The following DERA variants were observed in gnomAD, a reference collection of about 807,000 sequenced individuals.
DERA encodes 2-deoxy-D-ribose 5-phosphate aldolase.
Under a neutral mutation model 41.1 loss-of-function variants are expected in DERA, and 15 were observed. The ratio of observed to expected loss-of-function variants is 0.37; its 90% confidence interval spans 0.24 to 0.56. DERA has a LOEUF of 0.56. DERA is among the 20% of genes least tolerant of loss of function. The pLI is 0.81. For missense variants in DERA, 396 were observed against 403.4 expected (o/e 0.98, Z 0.16); for synonymous variants, 139 against 137.4 (o/e 1.01, Z -0.08).
chr12:16,030,402 T>G (rs35778845), intron 6 of DERA, among the ~76,000 whole-genome samples: 7 of 152,224 alleles, frequency 4.6e-5, no homozygotes, highest in Non-Finnish European at 1.0e-4. Flanking sequence ...CCTCACCTTC[T>G]TACATCTATG....
Position 15,920,783 on chromosome 12 carries a change from C to T in DERA, c.31+9369C>T, listed in dbSNP as rs7135597. 9.3e-3 allele frequency among the ~76,000 whole-genome samples: 1,421 copies of T among 152,262 alleles called. 14 individuals are homozygous for T. The highest frequency in any genetic ancestry group is 0.017 in the Middle Eastern group (5 of 294). On this transcript the variant is annotated intron_variant, in intron 1 of 8. Transcript: ENST00000428559. ...CCCAGGAGGCGAGGTTGCAGTGAGCCGAGATTGCGCCACTACACTCCATCC... is the reference window on the plus strand; with the variant it reads ...CCCAGGAGGCGAGGTTGCAGTGAGCTGAGATTGCGCCACTACACTCCATCC...
intron 1 of DERA, among the ~76,000 whole-genome samples, chr12:15,912,564 T>C (rs1948172352): frequency 6.6e-6 from 1 of 152,188 alleles, no homozygotes; most frequent in Non-Finnish European, 1.5e-5. Flanking sequence ...ATCTGTAAAA[T>C]GGTTATTTTA....
At chr12:15,951,585 C>T (rs1948497926) in intron 1 of DERA, 1 of 152,116 alleles carries the variant, frequency 6.6e-6, no homozygotes, top group African/African-American at 2.4e-5. Context: ...ATTCAAGAGT[C>T]AAGTATTATT....
At position 15,943,116 on chromosome 12, in the gene DERA, T is replaced by C. The variant is rs1948420396; in HGVS notation, c.32-13820T>C. Among the ~76,000 whole-genome samples the C allele has an allele frequency of 6.6e-6, 1 of 152,236 alleles. No individual in the cohort carries two copies. Among genetic ancestry groups the C allele is most frequent in the Admixed American group, 6.5e-5 (1 of 15,286 alleles). On this transcript the variant is annotated intron_variant, in intron 1 of 8. Coordinates refer to ENST00000428559, the MANE Select transcript of DERA (RefSeq NM_015954.4). The surrounding 1 kb of genome is among the most constrained non-coding windows in gnomAD (Gnocchi z 4.5). ...CTGTAAACTCTTCCACACACTTACC[T>C]GAGGCTGTTTATGGGTAGTGAGCAG...
intron 1 of DERA, among the ~76,000 whole-genome samples, chr12:15,932,517 G>T (rs1472495076): frequency 6.6e-6 from 1 of 151,994 alleles, no homozygotes; most frequent in Non-Finnish European, 1.5e-5. Flanking sequence ...GGGTGTGGTG[G>T]TGCATGCCTG....
chr12:15,918,569 A>G lies in DERA; in HGVS notation c.31+7155A>G, dbSNP rs919981226. Among the ~76,000 whole-genome samples the G allele has an allele frequency of 6.6e-6, 1 of 152,132 alleles. No individual in the cohort carries two copies. Among genetic ancestry groups the G allele is most frequent in the Admixed American group, 6.5e-5 (1 of 15,276 alleles). On this transcript the variant is annotated intron_variant, in intron 1 of 8. Transcript: ENST00000428559. The surrounding 1 kb of genome is among the most constrained non-coding windows in gnomAD (Gnocchi z 4.3). Reference sequence around the variant, plus strand: ...GAATAATTTGTTTTTTTTAATTTTTAAAATGTAAATATATAAGAATATTTT... The same window carrying G: ...GAATAATTTGTTTTTTTTAATTTTTGAAATGTAAATATATAAGAATATTTT...
intron 1 of DERA, among the ~76,000 whole-genome samples, chr12:15,937,073 G>C (rs1167243331): frequency 6.6e-6 from 1 of 152,042 alleles, no homozygotes; most frequent in Non-Finnish European, 1.5e-5. Flanking sequence ...CCTGGGCTCA[G>C]CCTCCTGTAT....
rs1948819251 is a variant in DERA at position 15,993,913 on chromosome 12, T to G, written c.637+11477T>G. ...ATGCATATCCTTTTAAAGAAAAGGT[T>G]GAGTATATGACAGACATTTAAACAT... On this transcript the variant is annotated intron_variant, in intron 6 of 8. Transcript: ENST00000428559. This position sits in a 1 kb window ranked among gnomAD's most constrained non-coding sequence, Gnocchi z 4.4. Among the ~76,000 whole-genome samples the G allele has an allele frequency of 6.6e-6, 1 of 152,226 alleles. No homozygotes were observed. Among genetic ancestry groups the G allele is most frequent in the African/African-American group, 2.4e-5 (1 of 41,456 alleles).
chr12:15,936,341 A>C lies in DERA; in HGVS notation c.32-20595A>C, dbSNP rs973871272. Among the ~76,000 whole-genome samples the C allele has an allele frequency of 1.8e-4, 27 of 152,244 alleles. No individual in the cohort carries two copies. Among genetic ancestry groups the C allele is most frequent in the African/African-American group, 6.5e-4 (27 of 41,472 alleles). On this transcript the variant is annotated intron_variant, in intron 1 of 8. Coordinates refer to ENST00000428559, the MANE Select transcript of DERA (RefSeq NM_015954.4). This position sits in a 1 kb window ranked among gnomAD's most constrained non-coding sequence, Gnocchi z 4.6. ...CATTCAGAAAAGTAGGACTAGTATA[A>C]AGAACACTCATATATCTGTCATGAC...
At chr12:16,007,224 C>T (rs550104115) in intron 6 of DERA, among the ~76,000 whole-genome samples, 131 of 141,624 alleles carry the variant, frequency 9.2e-4, no homozygotes, top group African/African-American at 3.4e-3. Flanking sequence ...CACCCTGTTG[C>T]GCAGGCTGAA....
Position 15,940,729 on chromosome 12 carries a change from G to T in DERA, c.32-16207G>T, listed in dbSNP as rs1312317737. 1.3e-5 allele frequency among the ~76,000 whole-genome samples: 2 copies of T among 152,156 alleles called. No homozygotes were observed. The highest frequency in any genetic ancestry group is 1.3e-4 in the Admixed American group (2 of 15,270). On this transcript the variant is annotated intron_variant, in intron 1 of 8. Transcript: ENST00000428559. The surrounding 1 kb of genome is among the most constrained non-coding windows in gnomAD (Gnocchi z 5.1). ...TTTAGAATAGTCATTTATTTAAATGGAAGTCATGCTTCAGAGTTTTCTGGT... is the reference window on the plus strand; with the variant it reads ...TTTAGAATAGTCATTTATTTAAATGTAAGTCATGCTTCAGAGTTTTCTGGT...
intron 1 of DERA, among the ~76,000 whole-genome samples, chr12:15,937,619 T>C (rs1948378379): frequency 6.6e-6 from 1 of 152,238 alleles, no homozygotes. Context: ...TAATGTAGTT[T>C]GCTTTAGTTT....
At chr12:15,969,983 T>C (rs1948649399) in intron 5 of DERA, among the ~76,000 whole-genome samples, 1 of 152,208 alleles carries the variant, frequency 6.6e-6, no homozygotes, top group South Asian at 2.1e-4. Flanking sequence ...CTACAATTCT[T>C]CAAAACTTCA....
intron 1 of DERA, among the ~76,000 whole-genome samples, chr12:15,933,079 C>G (rs1948340984): frequency 6.6e-6 from 1 of 152,216 alleles, no homozygotes; most frequent in South Asian, 2.1e-4. Context: ...TTGACAGACA[C>G]TGAGGTTGAT....
chr12:15,920,851 C>T (rs1948238367), intron 1 of DERA, among the ~76,000 whole-genome samples: 1 of 152,154 alleles, frequency 6.6e-6, no homozygotes, highest in African/African-American at 2.4e-5. Flanking sequence ...AAAATACCCC[C>T]CCCAAAAATA....
In DERA at chr12:15,915,699, C is replaced by T. The variant is rs959800932; in HGVS notation, c.31+4285C>T. ...TGTGTGCAGACACTGTGCTTAGGTG[C>T]TGGGTATAATGATAGTGTCAACACA... On this transcript the variant is annotated intron_variant, in intron 1 of 8. Transcript: ENST00000428559. This position sits in a 1 kb window ranked among gnomAD's most constrained non-coding sequence, Gnocchi z 4.8. Among the ~76,000 whole-genome samples, 2 of 152,164 alleles carry T rather than the reference C, an allele frequency of 1.3e-5. No individual in the cohort carries two copies. The highest frequency in any genetic ancestry group is 6.5e-5 in the Admixed American group (1 of 15,270).
intron 1 of DERA, among the ~76,000 whole-genome samples, chr12:15,912,016 ATTTCT>A (rs1019119944): frequency 1.4e-5 from 2 of 146,270 alleles, no homozygotes; most frequent in Non-Finnish European, 3.0e-5. Context: ...CTTAGTTCAG[ATTTCT>A]TTTTTTTTTT....
rs1315001096 is a variant in DERA at position 15,928,965 on chromosome 12, G to T, written c.31+17551G>T. 6.6e-6 allele frequency among the ~76,000 whole-genome samples: 1 copy of T among 152,094 alleles called. No individual in the cohort carries two copies. The highest frequency in any genetic ancestry group is 1.5e-5 in the Non-Finnish European group (1 of 68,026). Reference sequence around the variant, plus strand: ...AGCTGTTAAATCCTGTCCTGCAGACGGGAGCAGCGTTCTCTGTGAAAACTG... The same window carrying T: ...AGCTGTTAAATCCTGTCCTGCAGACTGGAGCAGCGTTCTCTGTGAAAACTG... On this transcript the variant is annotated intron_variant, in intron 1 of 8. Transcript: ENST00000428559. This position sits in a 1 kb window ranked among gnomAD's most constrained non-coding sequence, Gnocchi z 4.6.
At position 15,956,917 on chromosome 12, in the gene DERA, G is replaced by A. The variant is rs770657016; in HGVS notation, c.32-19G>A. The A allele has an allele frequency of 1.3e-6, 2 of 1,583,814 alleles. No individual in the cohort carries two copies. The highest frequency in any genetic ancestry group is 3.3e-5 in the Admixed American group (2 of 59,970). ...AATGAAACTTTAGGTTTCAGAAAGTGTTTTTCTGTCTGTTTTAGACCTTAG... is the reference window on the plus strand; with the variant it reads ...AATGAAACTTTAGGTTTCAGAAAGTATTTTTCTGTCTGTTTTAGACCTTAG... On this transcript the variant is annotated intron_variant, in intron 1 of 8. Coordinates refer to ENST00000428559, the MANE Select transcript of DERA (RefSeq NM_015954.4).
Sources: gnomAD v4.1 joint callset for allele counts (sites outside exome capture counted in the v4.1 genomes callset) on GRCh38, gnomAD v4.1.1 for gene constraint, Gnocchi (gnomAD v3.1) non-coding constraint, MANE v1.5 for transcripts, NCBI Gene and HGNC (gene_info 2026-07-23, HGNC 2026-07-21) for gene names.